Variants in GUCY1A2 observed in about 807,000 individuals in gnomAD.
GUCY1A2 encodes guanylate cyclase soluble subunit alpha-2.
A neutral mutation model predicts 63.5 loss-of-function variants in GUCY1A2; 27 were observed. That is an observed-to-expected ratio of 0.43 (90% confidence interval 0.31 to 0.59). The LOEUF is 0.59. Among genes scored for constraint, GUCY1A2 ranks in the 20% least tolerant of loss-of-function variants. The pLI is 0.11. For missense variants in GUCY1A2, 768 were observed against 913.3 expected (o/e 0.84, Z 2.05); for synonymous variants, 364 against 343.5 (o/e 1.06, Z -0.66).
chr11:106,819,746 C>G (rs1377244002), intron 4 of GUCY1A2, among the ~76,000 whole-genome samples: 1 of 152,044 alleles, frequency 6.6e-6, no homozygotes. Context: ...GTGGTTGTAA[C>G]CAAACCCACA....
At chr11:106,760,480 A>G (rs1864047292) in intron 6 of GUCY1A2, among the ~76,000 whole-genome samples, 1 of 152,218 alleles carries the variant, frequency 6.6e-6, no homozygotes, top group Non-Finnish European at 1.5e-5. Context: ...TATATTTTTT[A>G]TAACAGTCAT....
intron 4 of GUCY1A2, among the ~76,000 whole-genome samples, chr11:106,932,602 C>G (rs929155586): frequency 1.3e-5 from 2 of 152,040 alleles, no homozygotes; most frequent in African/African-American, 4.8e-5. Context: ...TTATTTTTCA[C>G]AGAACTGGAA....
intron 4 of GUCY1A2, among the ~76,000 whole-genome samples, chr11:106,836,783 T>C (rs868736355): frequency 2.0e-5 from 3 of 151,968 alleles, no homozygotes; most frequent in African/African-American, 4.8e-5. Flanking sequence ...TATGAAATTA[T>C]TGCAATAGTA....
At chr11:107,005,768 A>C (rs928008888) in intron 1 of GUCY1A2, among the ~76,000 whole-genome samples, 1 of 152,202 alleles carries the variant, frequency 6.6e-6, no homozygotes, top group African/African-American at 2.4e-5. Flanking sequence ...TTTGTTTTTA[A>C]GATTTCTGAA....
intron 4 of GUCY1A2, among the ~76,000 whole-genome samples, chr11:106,927,513 T>C (rs1201070898): frequency 2.6e-5 from 4 of 152,114 alleles, no homozygotes; most frequent in Non-Finnish European, 5.9e-5. Context: ...AATGTAAACA[T>C]TGTACATAAA....
At chr11:106,917,406 A>G (rs1050309903) in intron 4 of GUCY1A2, among the ~76,000 whole-genome samples, 1 of 145,552 alleles carries the variant, frequency 6.9e-6, no homozygotes, top group African/African-American at 2.4e-5. Flanking sequence ...AGATCAGGCA[A>G]TGCTCTTAGA....
intron 4 of GUCY1A2, among the ~76,000 whole-genome samples, chr11:106,908,117 T>C (rs1860238635): frequency 1.3e-5 from 2 of 152,082 alleles, no homozygotes; most frequent in African/African-American, 4.8e-5. Context: ...GTCTGGATAC[T>C]AAAAGCACCA....
intron 5 of GUCY1A2, among the ~76,000 whole-genome samples, chr11:106,799,365 A>G (rs1235703522): frequency 1.3e-5 from 2 of 152,174 alleles, no homozygotes; most frequent in African/African-American, 4.8e-5. Context: ...CAAGCTACCA[A>G]TGACTTTCTT....
At chr11:106,756,811 G>A (rs1206640259) in intron 6 of GUCY1A2, among the ~76,000 whole-genome samples, 2 of 152,104 alleles carry the variant, frequency 1.3e-5, no homozygotes, top group African/African-American at 4.8e-5. Flanking sequence ...TGGTGAATCT[G>A]ACGATTATGT....
Position 106,784,874 on chromosome 11 carries a change from G to A in GUCY1A2, c.1693-8292C>T, listed in dbSNP as rs886204089. Among the ~76,000 whole-genome samples the A allele has an allele frequency of 1.2e-4, 18 of 152,304 alleles. No individual in the cohort carries two copies. In the South Asian group the frequency reaches 1.7e-3, roughly 14 times the overall value. On this transcript the variant is annotated intron_variant, in intron 5 of 7. Coordinates refer to ENST00000526355, the MANE Select transcript of GUCY1A2 (RefSeq NM_000855.3). The stretch of plus-strand genomic sequence containing the variant: ...TGGGTAATATCTACAGAACTAAGGT[G>A]TGATAAAGAGTCATTAAAGTAACCT...
intron 3 of GUCY1A2, among the ~76,000 whole-genome samples, chr11:106,967,836 T>C (rs538057111): frequency 6.6e-6 from 1 of 152,026 alleles, no homozygotes; most frequent in South Asian, 2.1e-4. Context: ...ATACAGAGCA[T>C]CTAGCAAGAG....
At chr11:106,950,596 G>A (rs1397480576) in intron 3 of GUCY1A2, among the ~76,000 whole-genome samples, 1 of 152,096 alleles carries the variant, frequency 6.6e-6, no homozygotes, top group Non-Finnish European at 1.5e-5. Flanking sequence ...AGAAGGTGGG[G>A]GAGGGGATTA....
chr11:106,752,644 AAT>A (rs755506660), intron 6 of GUCY1A2, among the ~76,000 whole-genome samples: 2 of 151,988 alleles, frequency 1.3e-5, no homozygotes, highest in Non-Finnish European at 2.9e-5. Flanking sequence ...GTTTGCTGAG[AAT>A]GATGGTTTCC....
intron 3 of GUCY1A2, among the ~76,000 whole-genome samples, chr11:106,941,072 G>A (rs1860746392): frequency 6.6e-6 from 1 of 152,022 alleles, no homozygotes. Flanking sequence ...TAGACCTCAG[G>A]GAAAAGGAGA....
At chr11:106,968,958 A>C (rs1236883141) in intron 3 of GUCY1A2, among the ~76,000 whole-genome samples, 2 of 152,074 alleles carry the variant, frequency 1.3e-5, no homozygotes, top group Non-Finnish European at 2.9e-5. Context: ...GGAAAAGAGC[A>C]CTCCAAAACA....
At chr11:106,912,019 C>A (rs1242049080) in intron 4 of GUCY1A2, among the ~76,000 whole-genome samples, 1 of 151,866 alleles carries the variant, frequency 6.6e-6, no homozygotes, top group Admixed American at 6.6e-5. Flanking sequence ...GAGTAGAAAT[C>A]CAAAACTGCA....
At chr11:106,861,834 C>T (rs781739491) in intron 4 of GUCY1A2, among the ~76,000 whole-genome samples, 18 of 152,084 alleles carry the variant, frequency 1.2e-4, no homozygotes, top group Non-Finnish European at 2.2e-4. Context: ...CTTAACAACA[C>T]TTATCATTAT....
intron 4 of GUCY1A2, among the ~76,000 whole-genome samples, chr11:106,874,406 T>C (rs1859721156): frequency 6.6e-6 from 1 of 152,198 alleles, no homozygotes; most frequent in South Asian, 2.1e-4. Context: ...AAAGGTGATC[T>C]AATTATTTAT....
intron 4 of GUCY1A2, among the ~76,000 whole-genome samples, chr11:106,853,171 T>C (rs1859379022): frequency 6.6e-6 from 1 of 152,178 alleles, no homozygotes; most frequent in East Asian, 1.9e-4. Flanking sequence ...TATCTGGATG[T>C]CTATATCTTC....
Sources: gnomAD v4.1 joint callset for allele counts (sites outside exome capture counted in the v4.1 genomes callset) on GRCh38, gnomAD v4.1.1 for gene constraint, MANE v1.5 for transcripts, NCBI Gene and HGNC (gene_info 2026-07-23, HGNC 2026-07-21) for gene names.